TEX14: variants seen among roughly 807,000 people sequenced by gnomAD.
TEX14 encodes inactive serine/threonine-protein kinase TEX14.
Under a neutral mutation model 178.6 loss-of-function variants are expected in TEX14, and 168 were observed. The observed-to-expected ratio is 0.94, with a 90% CI of 0.83 to 1.07. TEX14 has a LOEUF of 1.07. TEX14 is among the 50% of genes least tolerant of loss of function. TEX14 has a pLI of 0.00. For synonymous variants in TEX14, 626 were observed against 634.1 expected (o/e 0.99, Z 0.19); for missense variants, 1,730 against 1,753.6 (o/e 0.99, Z 0.24).
At chr17:58,681,166 G>T (rs1162904757) in intron 1 of TEX14, among the ~76,000 whole-genome samples, 1 of 152,144 alleles carries the variant, frequency 6.6e-6, no homozygotes, top group South Asian at 2.1e-4. Context: ...TACTCGGGAG[G>T]CTGAGACAGG....
At chr17:58,567,324 G>A (rs961519715) in intron 26 of TEX14, among the ~76,000 whole-genome samples, 1 of 152,150 alleles carries the variant, frequency 6.6e-6, no homozygotes, top group East Asian at 1.9e-4. Flanking sequence ...CCCTGAGCTC[G>A]TTGGCATGGT....
chr17:58,625,323 C>T (rs1024737127), intron 3 of TEX14, among the ~76,000 whole-genome samples: 22 of 151,906 alleles, frequency 1.4e-4, no homozygotes, highest in Admixed American at 7.9e-4. Context: ...TTAGTAGAGA[C>T]GAAGTTTCAT....
chr17:58,559,537 C>G lies in TEX14; in HGVS notation c.4183G>C (p.Val1395Leu). ...TCCCTTTTTCTTTTCTCTTCACCAA[C>G]TTTTTGATCTTTGATATTTGTCTCC... is the stretch of plus-strand genomic sequence containing the variant. ...ERETNIKDQKVGEEKRKREDS... is the reference protein window; with the variant it reads ...ERETNIKDQKLGEEKRKREDS... Residue 1395 changes from valine to leucine, a missense_variant, in exon 30 of 32, where the codon GTT becomes CTT. Val to Leu is a conservative substitution (Grantham distance 32). Around this residue, in one of 2 missense-constraint regions of TEX14, gnomAD observed 941 missense variants for 1,072.4 expected, o/e 0.88. Coordinates refer to ENST00000349033, the MANE Select transcript of TEX14 (RefSeq NM_031272.5). 1 of 1,561,986 alleles carries G rather than the reference C, an allele frequency of 6.4e-7. No homozygotes were observed. The highest frequency in any genetic ancestry group is 8.8e-7 in the Non-Finnish European group (1 of 1,134,288).
chr17:58,679,140 G>A (rs1261329774), intron 1 of TEX14, among the ~76,000 whole-genome samples: 1 of 151,984 alleles, frequency 6.6e-6, no homozygotes, highest in Non-Finnish European at 1.5e-5. Flanking sequence ...GGCTACAAGA[G>A]CGAAACGCCG....
rs541312430 is a variant in TEX14 at position 58,619,742 on chromosome 17, T to C, written c.554+1908A>G. ...GCTTGAACCCAGGAGACAGAGGTTG[T>C]GGTGAGCCGAGATTGCACGGACTCC... On this transcript the variant is annotated intron_variant, in intron 5 of 31. Coordinates refer to ENST00000349033, the MANE Select transcript of TEX14 (RefSeq NM_031272.5). Among the ~76,000 whole-genome samples the C allele has an allele frequency of 2.9e-5, 4 of 136,230 alleles. No homozygotes were observed. In the East Asian group the frequency reaches 8.7e-4, roughly 30 times the overall value. 89.4% of individuals were successfully genotyped at this position (136,230 alleles called of 152,430 possible). A position where few individuals can be genotyped will look rare whatever the true frequency, so the allele number is the denominator to read the frequency against.
At chr17:58,685,404 C>G (rs2047573961) in intron 1 of TEX14, among the ~76,000 whole-genome samples, 1 of 150,668 alleles carries the variant, frequency 6.6e-6, no homozygotes, top group Non-Finnish European at 1.5e-5. Flanking sequence ...CCACCGCACT[C>G]CAGCCTGGGC....
chr17:58,621,503 G>A, intron 5 of TEX14, 147 bp downstream of exon 5: 1 of 765,402 alleles, frequency 1.3e-6, no homozygotes, highest in Non-Finnish European at 2.0e-6. Context: ...TCAAGGCCAA[G>A]CCTTTTCTTT....
At chr17:58,661,290 A>C (rs143686117) in intron 1 of TEX14, 7 of 811,434 alleles carry the variant, frequency 8.6e-6, no homozygotes, top group Non-Finnish European at 1.6e-5. Flanking sequence ...GCCTGCTGCA[A>C]ATGATCTAGA....
At chr17:58,682,240 A>G (rs959146795) in intron 1 of TEX14, among the ~76,000 whole-genome samples, 1 of 148,934 alleles carries the variant, frequency 6.7e-6, no homozygotes, top group Non-Finnish European at 1.5e-5. Context: ...TGGAACCACC[A>G]TGCCCAGGCC....
In TEX14 at chr17:58,598,907, T is replaced by A; in HGVS notation, c.2438A>T (p.Asn813Ile). 1 of 1,612,546 alleles carries A rather than the reference T, an allele frequency of 6.2e-7. No individual in the cohort carries two copies. Among genetic ancestry groups the A allele is most frequent in the Non-Finnish European group, 8.5e-7 (1 of 1,179,310 alleles). ...SGGQKPDTSGNYPTLPRFPRM... is the reference protein window; with the variant it reads ...SGGQKPDTSGIYPTLPRFPRM... ...TGGAAATCTTGGTAGGGTTGGGTAGTTGCCACTGGTGTCTGGCTTCTGACC... is the reference window on the plus strand; with the variant it reads ...TGGAAATCTTGGTAGGGTTGGGTAGATGCCACTGGTGTCTGGCTTCTGACC... Residue 813 changes from asparagine (N) to isoleucine (I), a missense_variant, in exon 14 of 32, where the codon AAC becomes ATC. This residue lies in a region of TEX14 where 941 missense variants were observed against 1,072.4 expected (regional missense o/e 0.88). Coordinates refer to ENST00000349033, the MANE Select transcript of TEX14 (RefSeq NM_031272.5).
intron 2 of TEX14, among the ~76,000 whole-genome samples, chr17:58,644,971 T>C (rs2046667568): frequency 6.7e-6 from 1 of 149,544 alleles, no homozygotes; most frequent in Admixed American, 6.7e-5. Flanking sequence ...TTGAGTTGTA[T>C]TCTTTTTTTT....
At position 58,556,679 on chromosome 17, in the gene TEX14, C is replaced by A; in HGVS notation, c.*332G>T. 1 of 271,300 alleles carries A rather than the reference C, an allele frequency of 3.7e-6. No individual in the cohort carries two copies. The highest frequency in any genetic ancestry group is 7.0e-6 in the Non-Finnish European group (1 of 143,876). The allele number at this position is 271,300 out of a possible 1,614,324, so 16.8% of individuals were successfully genotyped here. On this transcript the variant is annotated 3_prime_UTR_variant, in exon 32 of 32. Transcript: ENST00000349033. Reference sequence around the variant, plus strand: ...AGAAATATATCTTACACAGCAAAATCTGTTATTAAAATTAAACATTTTATT... The same window carrying A: ...AGAAATATATCTTACACAGCAAAATATGTTATTAAAATTAAACATTTTATT...
chr17:58,636,859 G>C (rs1429644933), intron 2 of TEX14, among the ~76,000 whole-genome samples: 1 of 151,866 alleles, frequency 6.6e-6, no homozygotes. Flanking sequence ...GTTGCAGTGA[G>C]CTGAGATCGC....
intron 1 of TEX14, among the ~76,000 whole-genome samples, chr17:58,675,768 C>T (rs1440931813): frequency 6.6e-6 from 1 of 152,180 alleles, no homozygotes; most frequent in Non-Finnish European, 1.5e-5. Context: ...AAATCAAACT[C>T]AGGAAGCATT....
At chr17:58,619,088 C>T (rs1567739219) in intron 5 of TEX14, among the ~76,000 whole-genome samples, 1 of 152,164 alleles carries the variant, frequency 6.6e-6, no homozygotes, top group African/African-American at 2.4e-5. Flanking sequence ...GGGAACAGAC[C>T]TTGTGCTGAC....
At position 58,564,922 on chromosome 17, in the gene TEX14, ATCT is replaced by A. The variant is rs763677141; in HGVS notation, c.4008_4010del (p.Glu1336del). 6.2e-7 allele frequency: 1 copy of A among 1,608,230 alleles called. No homozygotes were observed. Among genetic ancestry groups the A allele is most frequent in the South Asian group, 1.1e-5 (1 of 89,954 alleles). On this transcript the variant is annotated inframe_deletion, in exon 28 of 32. Transcript: ENST00000349033. ...TTTCTTTGGACAAAAGCATACTACTATCTTCTTTTTTACTGTCAGTTTCTTGTT... is the reference window on the plus strand; with the variant it reads ...TTTCTTTGGACAAAAGCATACTACTATCTTTTTTACTGTCAGTTTCTTGTT...
chr17:58,633,929 C>G (rs558545963), intron 2 of TEX14, among the ~76,000 whole-genome samples: 1 of 148,916 alleles, frequency 6.7e-6, no homozygotes, highest in Admixed American at 6.7e-5. Context: ...GATCACGCCA[C>G]TGCACTCCAG....
Position 58,664,411 on chromosome 17 carries a change from C to T in TEX14, c.-1-12409G>A, listed in dbSNP as rs2047172394. 2.0e-5 allele frequency among the ~76,000 whole-genome samples: 3 copies of T among 152,168 alleles called. No homozygotes were observed. The South Asian group carries it at 6.2e-4, about 32-fold the overall frequency. Reference sequence around the variant, plus strand: ...TGTCTACTCCAGTATTTTTGCCATTCATATTCTTGAATTTCTTTGCTGCTA... The same window carrying T: ...TGTCTACTCCAGTATTTTTGCCATTTATATTCTTGAATTTCTTTGCTGCTA... On this transcript the variant is annotated intron_variant, in intron 1 of 31. Coordinates refer to ENST00000349033, the MANE Select transcript of TEX14 (RefSeq NM_031272.5).
At chr17:58,579,072 T>C (rs1462879511) in intron 20 of TEX14, among the ~76,000 whole-genome samples, 1 of 152,232 alleles carries the variant, frequency 6.6e-6, no homozygotes, top group Non-Finnish European at 1.5e-5. Flanking sequence ...GCCACATCCC[T>C]GGCTACTGAT....
Sources: gnomAD v4.1 joint callset for allele counts (sites outside exome capture counted in the v4.1 genomes callset) on GRCh38, gnomAD v4.1.1 for gene constraint, gnomAD v4.1.1 regional missense constraint, MANE v1.5 for transcripts, NCBI Gene and HGNC (gene_info 2026-07-23, HGNC 2026-07-21) for gene names.